Variants in PTPRO observed in about 807,000 individuals in gnomAD.
PTPRO encodes protein tyrosine phosphatase receptor type O.
In PTPRO, 62 loss-of-function variants were observed where a neutral mutation model predicts 145.2. The ratio of observed to expected loss-of-function variants is 0.43; its 90% confidence interval spans 0.35 to 0.53. PTPRO has a LOEUF of 0.53. Ranked by LOEUF, PTPRO falls within the 20% of genes least tolerant of loss-of-function variation. The pLI, the probability that PTPRO is intolerant of heterozygous loss-of-function variation, is 0.01. For missense variants in PTPRO, 1,345 were observed against 1,482.7 expected (o/e 0.91, Z 1.53); for synonymous variants, 565 against 514.7 (o/e 1.10, Z -1.32).
chr12:15,448,714 C>T (rs1033692971), intron 1 of PTPRO, among the ~76,000 whole-genome samples: 45 of 152,216 alleles, frequency 3.0e-4, no homozygotes, highest in Non-Finnish European at 5.3e-4. Flanking sequence ...CTCCAAGGGA[C>T]GTCAGCTTTC....
chr12:15,372,555 T>A (rs1169263084), intron 1 of PTPRO, among the ~76,000 whole-genome samples: 2 of 152,186 alleles, frequency 1.3e-5, no homozygotes, highest in Non-Finnish European at 2.9e-5. Context: ...AAAACCACTA[T>A]GATTTTGTGG....
chr12:15,435,558 C>CTTTTTTTTTTTTTT (rs34792603), intron 1 of PTPRO, among the ~76,000 whole-genome samples: 1 of 146,452 alleles, frequency 6.8e-6, no homozygotes, highest in African/African-American at 2.5e-5. Flanking sequence ...AGCAAAGCAC[C>CTTTTTTTTTTTTTT]TTTTTTTTTT....
At chr12:15,407,634 C>T (rs945061493) in intron 1 of PTPRO, among the ~76,000 whole-genome samples, 1 of 152,178 alleles carries the variant, frequency 6.6e-6, no homozygotes, top group Non-Finnish European at 1.5e-5. Flanking sequence ...AACATCCAAC[C>T]TGCAATTACA....
intron 1 of PTPRO, among the ~76,000 whole-genome samples, chr12:15,378,867 T>C (rs1409766109): frequency 1.3e-5 from 2 of 152,124 alleles, no homozygotes; most frequent in African/African-American, 2.4e-5. Context: ...CCGTAGACAA[T>C]GGATTTTGAT....
At chr12:15,565,869 G>A (rs1943885627) in intron 18 of PTPRO, among the ~76,000 whole-genome samples, 1 of 152,182 alleles carries the variant, frequency 6.6e-6, no homozygotes, top group Admixed American at 6.5e-5. Flanking sequence ...AAATCTGAGA[G>A]AGTGGATCGT....
At chr12:15,582,108 C>T (rs565089220) in intron 23 of PTPRO, among the ~76,000 whole-genome samples, 11 of 152,346 alleles carry the variant, frequency 7.2e-5, no homozygotes, top group African/African-American at 1.9e-4. Flanking sequence ...GCAGCATGAA[C>T]GTGTCCTTAA....
intron 1 of PTPRO, among the ~76,000 whole-genome samples, chr12:15,376,482 C>T (rs937751417): frequency 6.6e-6 from 1 of 152,282 alleles, no homozygotes; most frequent in Non-Finnish European, 1.5e-5. Context: ...AATGAAAATA[C>T]ACTAGACAGT....
intron 1 of PTPRO, among the ~76,000 whole-genome samples, chr12:15,440,954 T>C (rs1940748747): frequency 6.6e-6 from 1 of 152,156 alleles, no homozygotes; most frequent in Non-Finnish European, 1.5e-5. Flanking sequence ...AGACAGGTCA[T>C]GAAGGCAGCA....
chr12:15,525,390 A>G (rs1324776848), intron 11 of PTPRO, among the ~76,000 whole-genome samples: 3 of 152,218 alleles, frequency 2.0e-5, no homozygotes, highest in Non-Finnish European at 4.4e-5. Context: ...TACTGTAATA[A>G]AGAAACAAAC....
chr12:15,493,218 T>A (rs1942034582), intron 2 of PTPRO, among the ~76,000 whole-genome samples: 1 of 152,096 alleles, frequency 6.6e-6, no homozygotes, highest in Non-Finnish European at 1.5e-5. Context: ...GGAAAATACC[T>A]GTCTACCTAG....
Position 15,333,369 on chromosome 12 carries a change from C to T in PTPRO, c.75+10568C>T, listed in dbSNP as rs376556555. Among the ~76,000 whole-genome samples, 7 of 152,340 alleles carry T rather than the reference C, an allele frequency of 4.6e-5. No individual in the cohort carries two copies. The South Asian group carries it at 8.3e-4, about 18-fold the overall frequency. On this transcript the variant is annotated intron_variant, in intron 1 of 26. Transcript: ENST00000281171. The stretch of plus-strand genomic sequence containing the variant: ...CATATTTTATGATAACTTAGCTCCT[C>T]TATGGGAATATTTATAGGTTTCATG...
chr12:15,509,696 G>GA (rs66556618), intron 7 of PTPRO, among the ~76,000 whole-genome samples: 81,527 of 140,060 alleles, frequency 0.58, 24,523 homozygotes, highest in Non-Finnish European at 0.66. Flanking sequence ...CAAAAAAAAA[G>GA]AAAAAAAAAA....
intron 6 of PTPRO, among the ~76,000 whole-genome samples, chr12:15,506,871 G>A (rs1942331149): frequency 6.6e-6 from 1 of 152,130 alleles, no homozygotes; most frequent in Non-Finnish European, 1.5e-5. Flanking sequence ...GAGATTCAGA[G>A]AGGTTAACTC....
At position 15,534,434 on chromosome 12, in the gene PTPRO, A is replaced by G. The variant is rs74463911; in HGVS notation, c.2164+8172A>G. ...CTAAGTACTACTCAGATGCCAGAGTACTTGTGGTAGTCGTGATGGTAATGA... is the reference window on the plus strand; with the variant it reads ...CTAAGTACTACTCAGATGCCAGAGTGCTTGTGGTAGTCGTGATGGTAATGA... On this transcript the variant is annotated intron_variant, in intron 12 of 26. Transcript: ENST00000281171. 6.5e-3 allele frequency among the ~76,000 whole-genome samples: 989 copies of G among 152,314 alleles called. 13 individuals are homozygous for G. The highest frequency in any genetic ancestry group is 0.023 in the African/African-American group (947 of 41,568).
intron 19 of PTPRO, among the ~76,000 whole-genome samples, chr12:15,569,907 C>T (rs1591750968): frequency 6.6e-6 from 1 of 152,146 alleles, no homozygotes; most frequent in East Asian, 1.9e-4. Context: ...ATAAAACTGA[C>T]CCCCTTTGTG....
intron 1 of PTPRO, among the ~76,000 whole-genome samples, chr12:15,344,746 G>C (rs930848283): frequency 2.0e-5 from 3 of 152,108 alleles, no homozygotes; most frequent in Non-Finnish European, 4.4e-5. Flanking sequence ...TTGACAAGTT[G>C]CATCTCACCA....
chr12:15,517,687 C>A (rs1318223653), intron 9 of PTPRO, among the ~76,000 whole-genome samples: 2 of 152,146 alleles, frequency 1.3e-5, no homozygotes, highest in Admixed American at 1.3e-4. Context: ...GGCTACAGGC[C>A]CCATGCAACT....
chr12:15,565,632 A>C lies in PTPRO; in HGVS notation c.2747+4A>C. The stretch of plus-strand genomic sequence containing the variant: ...TAAAGAAGAGGAAACTGACAAAGTA[A>C]GTTTTTCTTACTATGTCATTTAAAA... On this transcript the variant is annotated splice_donor_region_variant and intron_variant, in intron 18 of 26. Transcript: ENST00000281171. 1 of 1,439,552 alleles carries C rather than the reference A, an allele frequency of 6.9e-7. No individual in the cohort carries two copies. The highest frequency in any genetic ancestry group is 1.8e-4 in the Middle Eastern group (1 of 5,584). 89.2% of individuals were successfully genotyped at this position (1,439,552 alleles called of 1,614,324 possible). A position where few individuals can be genotyped will look rare whatever the true frequency, so the allele number is the denominator to read the frequency against.
intron 1 of PTPRO, among the ~76,000 whole-genome samples, chr12:15,454,090 A>C (rs900167120): frequency 6.6e-6 from 1 of 152,226 alleles, no homozygotes; most frequent in Non-Finnish European, 1.5e-5. Context: ...TTGGATAAAT[A>C]CCTAGAAATA....
Sources: allele counts gnomAD v4.1 joint callset (sites outside exome capture counted in the v4.1 genomes callset), GRCh38; gene constraint gnomAD v4.1.1; transcripts MANE v1.5; gene names NCBI Gene and HGNC (gene_info 2026-07-23, HGNC 2026-07-21).